GMDS: variants seen among roughly 807,000 people sequenced by gnomAD.
GMDS encodes GDP-mannose 4,6-dehydratase, also known as GDP-mannose 4,6 dehydratase.
GMDS carries 20 observed loss-of-function variants against 49.9 expected under a neutral mutation model. The ratio of observed to expected loss-of-function variants is 0.40; its 90% CI spans 0.28 to 0.58. The LOEUF (loss-of-function observed/expected upper bound fraction) is 0.58. Ranked by LOEUF, GMDS falls within the 20% of genes least tolerant of loss-of-function variation. The pLI, the probability that GMDS is intolerant of heterozygous loss-of-function variation, is 0.42. For synonymous variants in GMDS, 177 were observed against 178.6 expected (o/e 0.99, Z 0.07); for missense variants, 362 against 481.4 (o/e 0.75, Z 2.32).
chr6:1,908,038 ACCATGGGG>A (rs1760865422), intron 7 of GMDS, among the ~76,000 whole-genome samples: 1 of 152,230 alleles, frequency 6.6e-6, no homozygotes, highest in Admixed American at 6.5e-5. Flanking sequence ...AAACGCTTGC[ACCATGGGG>A]CCATTATTAG....
At chr6:1,969,795 G>A (rs887057825) in intron 4 of GMDS, among the ~76,000 whole-genome samples, 6 of 152,068 alleles carry the variant, frequency 3.9e-5, no homozygotes, top group Non-Finnish European at 5.9e-5. Flanking sequence ...GCTTCACCTC[G>A]GAGTTCTCAG....
At chr6:2,238,844 TA>T (rs141417978) in intron 1 of GMDS, among the ~76,000 whole-genome samples, 2 of 150,498 alleles carry the variant, frequency 1.3e-5, no homozygotes, top group African/African-American at 4.9e-5. Context: ...ATGTACCAGT[TA>T]AAAAAAAAAT....
At chr6:2,040,237 C>T (rs1769590181) in intron 4 of GMDS, among the ~76,000 whole-genome samples, 1 of 152,188 alleles carries the variant, frequency 6.6e-6, no homozygotes, top group Non-Finnish European at 1.5e-5. Flanking sequence ...CTGCTATGTC[C>T]ACAGATGCAT....
At chr6:2,135,325 CTGTG>C (rs1359938125) in intron 1 of GMDS, among the ~76,000 whole-genome samples, 4 of 152,104 alleles carry the variant, frequency 2.6e-5, no homozygotes, top group African/African-American at 9.7e-5. Flanking sequence ...CAACGTGCTA[CTGTG>C]TGTATTTGTG....
At chr6:2,222,958 G>T (rs1408351728) in intron 1 of GMDS, among the ~76,000 whole-genome samples, 2 of 152,010 alleles carry the variant, frequency 1.3e-5, no homozygotes, top group African/African-American at 4.8e-5. Flanking sequence ...TACCCAGGAG[G>T]AACAACTAAT....
At chr6:2,014,646 G>C (rs1767783500) in intron 4 of GMDS, among the ~76,000 whole-genome samples, 1 of 151,996 alleles carries the variant, frequency 6.6e-6, no homozygotes, top group Non-Finnish European at 1.5e-5. Context: ...CAAGAATAGA[G>C]AGGAAGATGA....
In GMDS at chr6:2,149,541, G is replaced by A. The variant is rs142911272; in HGVS notation, c.103-24810C>T. ...GGTCCATTAAAAGAAACTAGGCAGCGTGGAGCAGAGCAGCTGTCCCAACAC... is the reference window on the plus strand; with the variant it reads ...GGTCCATTAAAAGAAACTAGGCAGCATGGAGCAGAGCAGCTGTCCCAACAC... On this transcript the variant is annotated intron_variant, in intron 1 of 10. Transcript: ENST00000380815. Among the ~76,000 whole-genome samples the A allele has an allele frequency of 9.1e-3, 1,385 of 152,254 alleles. 13 individuals carry two copies. The highest frequency in any genetic ancestry group is 0.017 in the Middle Eastern group (5 of 294).
intron 4 of GMDS, among the ~76,000 whole-genome samples, chr6:1,972,614 C>T (rs901180082): frequency 7.2e-5 from 11 of 152,208 alleles, no homozygotes; most frequent in African/African-American, 2.4e-4. Flanking sequence ...AAATGCATGT[C>T]TTTATTTTCA....
intron 9 of GMDS, among the ~76,000 whole-genome samples, chr6:1,636,122 T>A (rs1053192993): frequency 1.3e-5 from 2 of 152,228 alleles, no homozygotes; most frequent in African/African-American, 2.4e-5. Flanking sequence ...CAGGAATGTC[T>A]GCATCTCTTC....
chr6:1,999,976 ATATATTT>A lies in GMDS; in HGVS notation c.346-39017_346-39011del, dbSNP rs1221214479. Reference sequence around the variant, plus strand: ...TATGTATATTATATATATATTATATATATATTTTATATATATATATTATATATATATA... The same window carrying A: ...TATGTATATTATATATATATTATATATATATATATATATTATATATATATA... On this transcript the variant is annotated intron_variant, in intron 4 of 10. Coordinates refer to ENST00000380815, the MANE Select transcript of GMDS (RefSeq NM_001500.4). Among the ~76,000 whole-genome samples the A allele has an allele frequency of 2.0e-3, 45 of 22,026 alleles. 2 individuals carry two copies. Among genetic ancestry groups the A allele is most frequent in the Admixed American group, 3.4e-3 (4 of 1,190 alleles). 14.4% of individuals were successfully genotyped at this position (22,026 alleles called of 152,430 possible).
At chr6:2,089,585 C>T (rs1773203107) in intron 4 of GMDS, among the ~76,000 whole-genome samples, 1 of 152,180 alleles carries the variant, frequency 6.6e-6, no homozygotes, top group Non-Finnish European at 1.5e-5. Context: ...GAGGTCTCAT[C>T]AGACTTTTTC....
chr6:1,753,041 C>A (rs948782551), intron 7 of GMDS, among the ~76,000 whole-genome samples: 2 of 152,136 alleles, frequency 1.3e-5, no homozygotes, highest in Admixed American at 6.5e-5. Context: ...ACAATAGTAA[C>A]CTTAAATGTA....
intron 7 of GMDS, among the ~76,000 whole-genome samples, chr6:1,800,595 C>A (rs1023104291): frequency 1.4e-5 from 2 of 147,780 alleles, no homozygotes; most frequent in African/African-American, 2.5e-5. Context: ...AGCCACCATG[C>A]CCAATTAATT....
intron 7 of GMDS, among the ~76,000 whole-genome samples, chr6:1,837,919 G>T (rs1756998106): frequency 6.6e-6 from 1 of 152,146 alleles, no homozygotes; most frequent in Non-Finnish European, 1.5e-5. Flanking sequence ...CACTGCTCAG[G>T]CCGCCCACAG....
At chr6:1,901,181 C>T (rs1760487483) in intron 7 of GMDS, among the ~76,000 whole-genome samples, 1 of 152,202 alleles carries the variant, frequency 6.6e-6, no homozygotes, top group Non-Finnish European at 1.5e-5. Flanking sequence ...GGCAAGCATG[C>T]CTGGAGTCGC....
intron 7 of GMDS, among the ~76,000 whole-genome samples, chr6:1,846,629 C>G (rs1757426053): frequency 6.6e-6 from 1 of 152,178 alleles, no homozygotes; most frequent in African/African-American, 2.4e-5. Context: ...CTTTCCAATC[C>G]TAGATTGTGA....
chr6:2,228,389 G>A lies in GMDS; in HGVS notation c.102+16932C>T, dbSNP rs891976109. ...TCAATATACACTCCAAACCCTCTCCGTCCCACCTTAAGTGATCTGCCTTGA... is the reference window on the plus strand; with the variant it reads ...TCAATATACACTCCAAACCCTCTCCATCCCACCTTAAGTGATCTGCCTTGA... On this transcript the variant is annotated intron_variant, in intron 1 of 10. Coordinates refer to ENST00000380815, the MANE Select transcript of GMDS (RefSeq NM_001500.4). 2.0e-5 allele frequency among the ~76,000 whole-genome samples: 3 copies of A among 151,988 alleles called. No individual in the cohort carries two copies. The South Asian group carries it at 6.2e-4, about 32-fold the overall frequency.
chr6:1,770,886 T>C (rs1768553132), intron 7 of GMDS, among the ~76,000 whole-genome samples: 1 of 152,210 alleles, frequency 6.6e-6, no homozygotes, highest in Non-Finnish European at 1.5e-5. Context: ...AGGTAATAAT[T>C]GAAGAGGCAT....
At chr6:2,107,505 T>C (rs1378725794) in intron 4 of GMDS, among the ~76,000 whole-genome samples, 1 of 152,172 alleles carries the variant, frequency 6.6e-6, no homozygotes, top group Middle Eastern at 3.2e-3. Context: ...AACCTAAACA[T>C]GAAATTATAA....
Sources: gnomAD v4.1 joint callset for allele counts (sites outside exome capture counted in the v4.1 genomes callset) on GRCh38, gnomAD v4.1.1 for gene constraint, MANE v1.5 for transcripts, NCBI Gene and HGNC (gene_info 2026-07-23, HGNC 2026-07-21) for gene names.